The following LIPK variants were observed in gnomAD, a reference collection of about 807,000 sequenced individuals.
The protein encoded by LIPK is lipase member K.
In LIPK, 32 loss-of-function variants were observed where a neutral mutation model predicts 48.6. That is an observed-to-expected ratio of 0.66 (90% CI 0.50 to 0.88). The LOEUF is 0.88. LIPK is among the 40% of genes least tolerant of loss of function. The pLI is 0.00. For missense variants in LIPK, 507 were observed against 478.5 expected, an observed-to-expected ratio of 1.06 and a Z score of -0.56; for synonymous variants, 164 against 157.4, an observed-to-expected ratio of 1.04 and a Z score of -0.32.
rs1455230880 is a variant in LIPK at position 88,732,518 on chromosome 10, A to G, written c.636A>G (p.Lys212=). ...TTAAATACACCCAAAGTCCTATGAA[A>G]AAACTAACAACCCTTTCCAGGCGAG... ...VTVKYTQSPM[K]KLTTLSRRVV... Residue 212 remains lysine, a synonymous_variant, in exon 6 of 10, where the codon AAA becomes AAG. Transcript: ENST00000404190. 2 of 1,612,368 alleles carry G rather than the reference A, an allele frequency of 1.2e-6. No homozygotes were observed. The highest frequency in any genetic ancestry group is 2.2e-5 in the East Asian group (1 of 44,860).
At chr10:88,736,963 G>T (rs111281944) in intron 6 of LIPK, among the ~76,000 whole-genome samples, 1 of 152,020 alleles carries the variant, frequency 6.6e-6, no homozygotes, top group South Asian at 2.1e-4. Context: ...TTTATATCTA[G>T]TTTATTATGC....
intron 9 of LIPK, among the ~76,000 whole-genome samples, chr10:88,751,927 T>C (rs958341144): frequency 6.6e-6 from 1 of 152,186 alleles, no homozygotes; most frequent in African/African-American, 2.4e-5. Context: ...TGGCCAGACC[T>C]GGTTACCTGG....
chr10:88,727,326 C>A (rs1265536059), intron 3 of LIPK, among the ~76,000 whole-genome samples: 2 of 152,226 alleles, frequency 1.3e-5, no homozygotes, highest in Non-Finnish European at 2.9e-5. Context: ...CTTTCAGCTT[C>A]AATAATCTTT....
chr10:88,731,559 T>C (rs1842468730), intron 4 of LIPK, among the ~76,000 whole-genome samples: 1 of 152,262 alleles, frequency 6.6e-6, no homozygotes, highest in African/African-American at 2.4e-5. Context: ...ACTGATGCAC[T>C]GGCATAGGAG....
chr10:88,713,871 A>G (rs1332667475), intron 1 of LIPK, among the ~76,000 whole-genome samples: 2 of 150,930 alleles, frequency 1.3e-5, no homozygotes, highest in Non-Finnish European at 3.0e-5. Flanking sequence ...AACCCAGGAG[A>G]GGCTCACTGC....
intron 1 of LIPK, among the ~76,000 whole-genome samples, chr10:88,715,684 A>G (rs1213058605): frequency 1.3e-5 from 2 of 150,862 alleles, no homozygotes; most frequent in Non-Finnish European, 3.0e-5. Context: ...CTGATCTTTC[A>G]CTATTTGTTT....
intron 9 of LIPK, among the ~76,000 whole-genome samples, chr10:88,751,541 G>A (rs1160021686): frequency 6.6e-6 from 1 of 151,882 alleles, no homozygotes; most frequent in Admixed American, 6.6e-5. Context: ...TTTTAATGTG[G>A]GAATTTTTAA....
intron 1 of LIPK, among the ~76,000 whole-genome samples, chr10:88,707,033 C>T (rs1256069622): frequency 5.9e-5 from 9 of 152,058 alleles, no homozygotes; most frequent in Admixed American, 5.9e-4. Flanking sequence ...CTAATATTCC[C>T]TCTAGACATA....
intron 2 of LIPK, among the ~76,000 whole-genome samples, chr10:88,726,176 C>CAT (rs1028593295): frequency 3.9e-5 from 6 of 152,046 alleles, no homozygotes; most frequent in Non-Finnish European, 7.4e-5. Context: ...ATTAGATGAC[C>CAT]ATATAATTTT....
intron 6 of LIPK, 25 bp from the exon 7 acceptor site, chr10:88,737,610 G>A (rs374810406): frequency 6.8e-6 from 11 of 1,610,806 alleles, no homozygotes; most frequent in Admixed American, 3.3e-5. Flanking sequence ...TGTAAGATTT[G>A]ATGGTGTTTT....
At position 88,752,478 on chromosome 10, in the gene LIPK, T is replaced by G. The variant is rs1384948667; in HGVS notation, c.961-39T>G. 9 of 1,434,132 alleles carry G rather than the reference T, an allele frequency of 6.3e-6. No homozygotes were observed. In the East Asian group the frequency reaches 1.7e-4, roughly 28 times the overall value. The allele number at this position is 1,434,132 out of a possible 1,614,324, so 88.8% of individuals were successfully genotyped here. ...TAATGTTACTTCTATAATGTAATAT[T>G]CTGTAAAAACTTTTCTCTCTCTCTT... On this transcript the variant is annotated intron_variant, in intron 9 of 9. Coordinates refer to ENST00000404190, the MANE Select transcript of LIPK (RefSeq NM_001080518.2).
chr10:88,752,481 G>C (rs1169867093), intron 9 of LIPK, 36 bp from the exon 10 acceptor site: 12 of 1,462,208 alleles, frequency 8.2e-6, no homozygotes, highest in African/African-American at 1.4e-5. Flanking sequence ...GTAATATTCT[G>C]TAAAAACTTT....
At chr10:88,708,415 C>A (rs1841973338) in intron 1 of LIPK, among the ~76,000 whole-genome samples, 1 of 151,806 alleles carries the variant, frequency 6.6e-6, no homozygotes, top group Non-Finnish European at 1.5e-5. Flanking sequence ...CTTTTGAAGA[C>A]CATACTTTTT....
At chr10:88,729,253 G>GGGGC (rs1842413415) in intron 3 of LIPK, among the ~76,000 whole-genome samples, 1 of 51,300 alleles carries the variant, frequency 1.9e-5, no homozygotes, top group Non-Finnish European at 5.8e-5. Flanking sequence ...GCTATCTGTT[G>GGGGC]GGGGGGGGGG....
intron 6 of LIPK, 140 bp from the exon 7 acceptor site, chr10:88,737,495 A>C (rs1842595910): frequency 1.2e-6 from 1 of 820,744 alleles, no homozygotes; most frequent in Non-Finnish European, 1.9e-6. Context: ...CAAAGCTAAT[A>C]ACAAGCCTCA....
At chr10:88,709,160 A>G (rs976483324) in intron 1 of LIPK, among the ~76,000 whole-genome samples, 1 of 152,194 alleles carries the variant, frequency 6.6e-6, no homozygotes, top group Non-Finnish European at 1.5e-5. Flanking sequence ...ATTCATCATC[A>G]ATTCTTTTTC....
At chr10:88,728,729 T>A in intron 3 of LIPK, 1 of 299,068 alleles carries the variant, frequency 3.3e-6, no homozygotes, top group Non-Finnish European at 6.8e-6. Context: ...GCTACCCAGG[T>A]GGGCTGGGCT....
chr10:88,732,628 G>A, intron 6 of LIPK, 77 bp downstream of exon 6: 1 of 1,414,838 alleles, frequency 7.1e-7, no homozygotes, highest in Non-Finnish European at 9.6e-7. Context: ...GAAGACCAAT[G>A]ACATTTTACA....
At chr10:88,728,545 T>C in intron 3 of LIPK, 1 of 389,072 alleles carries the variant, frequency 2.6e-6, no homozygotes, top group Non-Finnish European at 5.1e-6. Flanking sequence ...GAGGCCGCCC[T>C]ATAGCGGACC....
Sources: allele counts gnomAD v4.1 joint callset (sites outside exome capture counted in the v4.1 genomes callset), GRCh38; gene constraint gnomAD v4.1.1; transcripts MANE v1.5; gene names NCBI Gene and HGNC (gene_info 2026-07-23, HGNC 2026-07-21).